BABAM2: variants seen among roughly 807,000 people sequenced by gnomAD.
The protein encoded by BABAM2 is BRISC and BRCA1-A complex member 2.
A neutral mutation model predicts 54.7 loss-of-function variants in BABAM2; 31 were observed. That is an observed-to-expected ratio of 0.57 (90% CI 0.43 to 0.77). BABAM2 has a LOEUF of 0.77. BABAM2 is among the 30% of genes least tolerant of loss of function. The pLI is 0.00. For synonymous variants in BABAM2, 167 were observed against 162.9 expected (o/e 1.03, Z -0.19); for missense variants, 364 against 455.8 (o/e 0.80, Z 1.83).
At chr2:27,978,033 G>A (rs148137165) in intron 3 of BABAM2, among the ~76,000 whole-genome samples, 1,716 of 152,192 alleles carry the variant, frequency 0.011, 18 homozygotes, top group African/African-American at 0.019. Flanking sequence ...AAAGTTTTTC[G>A]TAAAGCTCTG....
At chr2:27,902,905 TTGTG>T (rs57389847) in intron 2 of BABAM2, among the ~76,000 whole-genome samples, 14 of 147,778 alleles carry the variant, frequency 9.5e-5, no homozygotes, top group African/African-American at 2.2e-4. Flanking sequence ...GTGTGTGTGT[TTGTG>T]TGTGTGTGTG....
chr2:27,997,035 A>G (rs576305567), intron 4 of BABAM2, among the ~76,000 whole-genome samples: 1 of 152,336 alleles, frequency 6.6e-6, no homozygotes, highest in Non-Finnish European at 1.5e-5. Flanking sequence ...TCAGCAGATC[A>G]TAAAATACAA....
intron 6 of BABAM2, among the ~76,000 whole-genome samples, chr2:28,116,923 C>T (rs568122456): frequency 2.0e-5 from 3 of 152,178 alleles, no homozygotes; most frequent in East Asian, 1.9e-4. Context: ...TCATCATATT[C>T]GTGTAGTTGT....
intron 7 of BABAM2, among the ~76,000 whole-genome samples, chr2:28,152,563 T>G (rs1672157781): frequency 6.6e-6 from 1 of 152,106 alleles, no homozygotes; most frequent in African/African-American, 2.4e-5. Flanking sequence ...GGTAAGTGGC[T>G]GGGGAGACAG....
intron 7 of BABAM2, among the ~76,000 whole-genome samples, chr2:28,172,084 G>T (rs1349843206): frequency 1.0e-5 from 1 of 96,506 alleles, no homozygotes; most frequent in African/African-American, 4.1e-5. Flanking sequence ...TGTTTTGTTT[G>T]AAATGTGTGT....
At chr2:28,200,239 T>C (rs1362270624) in intron 7 of BABAM2, among the ~76,000 whole-genome samples, 1 of 152,238 alleles carries the variant, frequency 6.6e-6, no homozygotes. Context: ...TAGTCATTGC[T>C]GACTCTCCTG....
chr2:28,254,728 ATT>A (rs759661036), intron 10 of BABAM2, among the ~76,000 whole-genome samples: 26 of 122,368 alleles, frequency 2.1e-4, no homozygotes, highest in Middle Eastern at 4.4e-3. Context: ...TTTTTTTTCA[ATT>A]TTTTTTTTTT....
intron 5 of BABAM2, among the ~76,000 whole-genome samples, chr2:28,032,992 C>T (rs752997592): frequency 3.0e-4 from 45 of 152,110 alleles, no homozygotes; most frequent in Non-Finnish European, 5.7e-4. Flanking sequence ...TCATCACACA[C>T]GTAATTTCCT....
chr2:28,140,370 A>T (rs986131707), intron 7 of BABAM2, among the ~76,000 whole-genome samples: 2 of 152,098 alleles, frequency 1.3e-5, no homozygotes, highest in Admixed American at 6.6e-5. Flanking sequence ...TAATGTCAAA[A>T]CCTTTTATAT....
intron 7 of BABAM2, among the ~76,000 whole-genome samples, chr2:28,132,500 C>G (rs1349027716): frequency 6.6e-6 from 1 of 151,976 alleles, no homozygotes; most frequent in Non-Finnish European, 1.5e-5. Flanking sequence ...TTTTCGGTTG[C>G]TTCCCCTCAT....
intron 7 of BABAM2, among the ~76,000 whole-genome samples, chr2:28,130,630 T>TTTTTA (rs1397114466): frequency 5.3e-5 from 8 of 152,142 alleles, no homozygotes; most frequent in African/African-American, 1.9e-4. Flanking sequence ...TTTATTTTTA[T>TTTTTA]TTTTGTAGAG....
At chr2:27,939,322 AT>A (rs1344378370) in intron 3 of BABAM2, among the ~76,000 whole-genome samples, 2 of 152,318 alleles carry the variant, frequency 1.3e-5, no homozygotes, top group East Asian at 1.9e-4. Context: ...CAGTAATTTT[AT>A]TTCATAACTT....
At chr2:28,100,000 T>G (rs1666941969) in intron 6 of BABAM2, among the ~76,000 whole-genome samples, 1 of 152,226 alleles carries the variant, frequency 6.6e-6, no homozygotes, top group South Asian at 2.1e-4. Flanking sequence ...TTTGTGTTGC[T>G]GCATGTACTT....
intron 6 of BABAM2, among the ~76,000 whole-genome samples, chr2:28,062,633 A>G (rs1225282593): frequency 6.6e-6 from 1 of 151,964 alleles, no homozygotes; most frequent in East Asian, 1.9e-4. Flanking sequence ...CTTCTTCTGC[A>G]TTATCAGCAA....
intron 6 of BABAM2, among the ~76,000 whole-genome samples, chr2:28,092,367 G>A (rs912622680): frequency 1.3e-5 from 2 of 152,020 alleles, no homozygotes; most frequent in African/African-American, 4.8e-5. Context: ...ATTTAGCAAG[G>A]GACAAGATAC....
chr2:27,920,233 A>G (rs867671013), intron 2 of BABAM2, among the ~76,000 whole-genome samples: 1 of 152,098 alleles, frequency 6.6e-6, no homozygotes, highest in Non-Finnish European at 1.5e-5. Context: ...CTAAGACTTG[A>G]CCTTGTGGAT....
chr2:28,180,600 C>T (rs944238428), intron 7 of BABAM2, among the ~76,000 whole-genome samples: 2 of 151,902 alleles, frequency 1.3e-5, no homozygotes, highest in African/African-American at 2.4e-5. Context: ...GTAGCAAAAA[C>T]AAAAATAGGC....
At chr2:28,177,402 T>C (rs1675122683) in intron 7 of BABAM2, among the ~76,000 whole-genome samples, 1 of 152,068 alleles carries the variant, frequency 6.6e-6, no homozygotes, top group East Asian at 1.9e-4. Context: ...CAGTAAATGC[T>C]TACCAGGGCT....
At chr2:28,150,002 A>C (rs909997733) in intron 7 of BABAM2, among the ~76,000 whole-genome samples, 2 of 152,200 alleles carry the variant, frequency 1.3e-5, no homozygotes, top group Admixed American at 1.3e-4. Flanking sequence ...TCCATTATAT[A>C]GGGGAGACTA....
Sources: allele counts gnomAD v4.1 joint callset (sites outside exome capture counted in the v4.1 genomes callset), GRCh38; gene constraint gnomAD v4.1.1; transcripts MANE v1.5; gene names NCBI Gene and HGNC (gene_info 2026-07-23, HGNC 2026-07-21).